Variants in IFI16 observed in about 807,000 individuals in gnomAD.
IFI16 encodes gamma-interferon-inducible protein 16.
A neutral mutation model predicts 68.4 loss-of-function variants in IFI16; 49 were observed. That is an observed-to-expected ratio of 0.72 (90% CI 0.57 to 0.91). The LOEUF (loss-of-function observed/expected upper bound fraction) is 0.91, where lower values mean the gene tolerates loss of function less well. Ranked by LOEUF, IFI16 falls within the 40% of genes least tolerant of loss-of-function variation. The probability of loss-of-function intolerance (pLI) is 0.00; values close to 1 mark genes in which losing one functional copy is unlikely to be tolerated. For missense variants in IFI16, 878 were observed against 942.9 expected (o/e 0.93, Z 0.90); for synonymous variants, 307 against 315.0 (o/e 0.97, Z 0.27).
intron 6 of IFI16, among the ~76,000 whole-genome samples, chr1:159,027,387 C>G (rs1370341663): frequency 6.6e-6 from 1 of 152,118 alleles, no homozygotes. Flanking sequence ...CCGACTTGAT[C>G]ATGGTGCATT....
intron 6 of IFI16, among the ~76,000 whole-genome samples, chr1:159,028,799 T>TGTCTGATGTAAGAATAGCTACTCCTG (rs1557871335): frequency 3.3e-5 from 5 of 152,066 alleles, no homozygotes; most frequent in South Asian, 2.1e-4. Flanking sequence ...AAGTTTGTTT[T>TGTCTGATGTAAGAATAGCTACTCCTG]TTGGTGTCCA....
intron 6 of IFI16, among the ~76,000 whole-genome samples, chr1:159,032,202 G>A (rs1287559913): frequency 6.6e-6 from 1 of 152,160 alleles, no homozygotes; most frequent in Admixed American, 6.5e-5. Flanking sequence ...ATGTAGAAAG[G>A]TATAGGAAAA....
chr1:159,010,314 A>G (rs144621639), intron 1 of IFI16, among the ~76,000 whole-genome samples, 153 bp downstream of exon 1: 6 of 152,352 alleles, frequency 3.9e-5, no homozygotes, highest in Middle Eastern at 3.4e-3. Context: ...GTTGCTTGAT[A>G]TGAATCCTTC....
At chr1:159,011,267 C>A (rs935359780) in intron 1 of IFI16, among the ~76,000 whole-genome samples, 7 of 151,846 alleles carry the variant, frequency 4.6e-5, no homozygotes, top group African/African-American at 1.7e-4. Flanking sequence ...GCCTGTAATC[C>A]CAGCTACTCA....
upstream of IFI16, among the ~76,000 whole-genome samples, chr1:159,002,355 C>T (rs1393222358): frequency 6.6e-6 from 1 of 151,864 alleles, no homozygotes; most frequent in East Asian, 1.9e-4. Flanking sequence ...TTATTTGCTT[C>T]GAAAACACCA....
At chr1:159,041,843 T>C (rs1429102889) in intron 7 of IFI16, among the ~76,000 whole-genome samples, 12 of 152,228 alleles carry the variant, frequency 7.9e-5, no homozygotes, top group African/African-American at 2.4e-4. Flanking sequence ...AAATCATATA[T>C]GGAGCCCATA....
chr1:159,022,118 C>G (rs941767992), intron 6 of IFI16, among the ~76,000 whole-genome samples: 3 of 152,002 alleles, frequency 2.0e-5, no homozygotes, highest in Admixed American at 6.6e-5. Flanking sequence ...CGCCCGCCAC[C>G]GCCCCCGGCT....
Position 159,014,874 on chromosome 1 carries a change from T to G in IFI16, c.194T>G (p.Leu65Arg). The stretch of plus-strand genomic sequence containing the variant: ...CGAGGTGATGCTGGTTTGGGCAAAC[T>G]AATAAAAATTTTCGAAGATATACCA... ...KFRGDAGLGK[L>R]IKIFEDIPTL... The change falls in exon 2 of 12, where the codon CTA (leucine) becomes CGA (arginine). Residue 65 changes from leucine (L) to arginine (R), a missense_variant. Around this residue, in one of 4 missense-constraint regions of IFI16, gnomAD observed 65 missense variants for 96.9 expected, o/e 0.67. Transcript: ENST00000295809. 1.9e-6 allele frequency: 3 copies of G among 1,613,930 alleles called. No individual in the cohort carries two copies. Among genetic ancestry groups the G allele is most frequent in the African/African-American group, 2.7e-5 (2 of 75,004 alleles).
At chr1:159,054,768 T>C in intron 11 of IFI16, 53 bp from the exon 12 acceptor site, 1 of 884,950 alleles carries the variant, frequency 1.1e-6, no homozygotes, top group Non-Finnish European at 1.9e-6. Flanking sequence ...AAGGGAGAAA[T>C]GTAGGATCAT....
chr1:159,012,047 C>T (rs1218719014), intron 1 of IFI16, among the ~76,000 whole-genome samples: 1 of 152,058 alleles, frequency 6.6e-6, no homozygotes, highest in Non-Finnish European at 1.5e-5. Flanking sequence ...ACATTAGGAA[C>T]ACCTAAAAAA....
intron 7 of IFI16, among the ~76,000 whole-genome samples, chr1:159,044,836 T>C (rs2436843): frequency 1.1e-4 from 16 of 152,168 alleles, no homozygotes; most frequent in African/African-American, 3.1e-4. Context: ...ATTATGGCTA[T>C]GATCAGAGAT....
chr1:159,007,506 CAACACT>C (rs1652302777), upstream of IFI16, among the ~76,000 whole-genome samples: 1 of 152,138 alleles, frequency 6.6e-6, no homozygotes, highest in Non-Finnish European at 1.5e-5. Context: ...AATTTGGCTC[CAACACT>C]AACTAGGCGC....
rs111694857 is a variant in IFI16 at position 159,026,180 on chromosome 1, ATATGAATTT to A, written c.1161+5654_1161+5662del. Among the ~76,000 whole-genome samples the A allele has an allele frequency of 1.6e-3, 234 of 149,710 alleles. 2 individuals carry two copies. Among genetic ancestry groups the A allele is most frequent in the Middle Eastern group, 0.01 (3 of 290 alleles). On this transcript the variant is annotated intron_variant, in intron 6 of 11. Transcript: ENST00000295809. ...GCTATGTGGTCTGTTTTTTGGTTCC[ATATGAATTT>A]TAGGATTTTTTTTTCTAGTTCTGTG... is the stretch of plus-strand genomic sequence containing the variant.
chr1:159,001,286 C>T (rs1652047866), upstream of IFI16, among the ~76,000 whole-genome samples: 1 of 152,104 alleles, frequency 6.6e-6, no homozygotes, highest in African/African-American at 2.4e-5. Flanking sequence ...AAAGTAGCAA[C>T]CTATATGGTA....
intron 7 of IFI16, among the ~76,000 whole-genome samples, chr1:159,038,065 A>G (rs1336961011): frequency 6.6e-6 from 1 of 152,226 alleles, no homozygotes; most frequent in African/African-American, 2.4e-5. Context: ...CATTCAGGCT[A>G]ATAAAAATAA....
Position 159,052,102 on chromosome 1 carries a change from A to G in IFI16, c.2085+4A>G. On this transcript the variant is annotated splice_donor_region_variant and intron_variant, in intron 10 of 11. Transcript: ENST00000295809. ...TGGGGTGTTTGAGGTACATAAGGTA[A>G]GCCCACACCATTGTTTTATAAAATT... The G allele has an allele frequency of 6.3e-7, 1 of 1,593,364 alleles. No individual in the cohort carries two copies. The highest frequency in any genetic ancestry group is 8.5e-7 in the Non-Finnish European group (1 of 1,170,788).
intron 4 of IFI16, 64 bp from the exon 5 acceptor site, chr1:159,018,153 ACTGAGGTCACTG>A: frequency 2.3e-6 from 3 of 1,285,452 alleles, no homozygotes; most frequent in Non-Finnish European, 3.3e-6. Context: ...CCTGTGTTAT[ACTGAGGTCACTG>A]AATAGCAGTT....
At position 159,023,444 on chromosome 1, in the gene IFI16, T is replaced by A. The variant is rs143880572; in HGVS notation, c.1161+2915T>A. Among the ~76,000 whole-genome samples, 271 of 152,042 alleles carry A rather than the reference T, an allele frequency of 1.8e-3. 1 individual carries two copies. The highest frequency in any genetic ancestry group is 5.7e-3 in the African/African-American group (234 of 41,376). ...ATTATAGTAGATATAGTTTATTTAG[T>A]CTACTTAAAAAAAATTTATAGTTAC... On this transcript the variant is annotated intron_variant, in intron 6 of 11. Coordinates refer to ENST00000295809, the MANE Select transcript of IFI16 (RefSeq NM_001376587.1).
At chr1:159,015,048 A>T in intron 2 of IFI16, 103 bp downstream of exon 2, 1 of 1,126,840 alleles carries the variant, frequency 8.9e-7, no homozygotes, top group Non-Finnish European at 1.3e-6. Flanking sequence ...TGTTTTCCCC[A>T]GTTTGTGACT....
Sources: allele counts gnomAD v4.1 joint callset (sites outside exome capture counted in the v4.1 genomes callset), GRCh38; gene constraint gnomAD v4.1.1; regional missense constraint gnomAD v4.1.1; transcripts MANE v1.5; gene names NCBI Gene and HGNC (gene_info 2026-07-23, HGNC 2026-07-21).